Variants in HDAC2 observed in about 807,000 individuals in gnomAD.
HDAC2 encodes YY1-associated factor 1.
A neutral mutation model predicts 68.5 loss-of-function variants in HDAC2; 5 were observed. That is an observed-to-expected ratio of 0.07 (90% CI 0.04 to 0.15). The LOEUF is 0.15. Among genes scored for constraint, HDAC2 ranks in the 10% least tolerant of loss-of-function variants. The pLI, the probability that HDAC2 is intolerant of heterozygous loss-of-function variation, is 1.00. For missense variants in HDAC2, 291 were observed against 600.8 expected, an observed-to-expected ratio of 0.48 and a Z score of 5.39; for synonymous variants, 182 against 191.3, an observed-to-expected ratio of 0.95 and a Z score of 0.40.
At chr6:113,945,552 G>A in intron 9 of HDAC2, 82 bp from the exon 10 acceptor site, 1 of 751,198 alleles carries the variant, frequency 1.3e-6, no homozygotes, top group Admixed American at 2.2e-5. Context: ...GATTTAGGTG[G>A]TGAAATATTT....
rs771892028 is a variant in HDAC2, at chr6:113,945,481, CAATAA to C, written c.983-16_983-12del. 22 of 1,243,454 alleles carry C rather than the reference CAATAA, an allele frequency of 1.8e-5. No individual in the cohort carries two copies. In the South Asian group the frequency reaches 1.8e-4, roughly 10 times the overall value. The allele number at this position is 1,243,454 out of a possible 1,614,324, so 77.0% of individuals were successfully genotyped here. On this transcript the variant is annotated splice_polypyrimidine_tract_variant and intron_variant, in intron 9 of 13. Coordinates refer to ENST00000519065, the MANE Select transcript of HDAC2 (RefSeq NM_001527.4). ...CATTATATGGCAACTCTAATGAAAA[CAATAA>C]AATAAAGTTACATATTACAAGCTCA...
chr6:113,935,276 G>A lies in HDAC2; in HGVS notation c.*5782C>T, dbSNP rs1038575197. 2 of 152,172 alleles carry A rather than the reference G, an allele frequency of 1.3e-5. No homozygotes were observed. Among genetic ancestry groups the A allele is most frequent in the South Asian group, 2.1e-4 (1 of 4,830 alleles). 9.4% of individuals were successfully genotyped at this position (152,172 alleles called of 1,614,324 possible). On this transcript the variant is annotated 3_prime_UTR_variant, in exon 14 of 14. Coordinates refer to ENST00000519065, the MANE Select transcript of HDAC2 (RefSeq NM_001527.4). ...AATAAGAGCAAAAGGGGAAATTCTT[G>A]TCTTTTTAAATCAAACATTATTTGT...
At chr6:113,963,526 C>A (rs918130308) in intron 1 of HDAC2, among the ~76,000 whole-genome samples, 1 of 152,118 alleles carries the variant, frequency 6.6e-6, no homozygotes, top group African/African-American at 2.4e-5. Context: ...TATCCCTAAT[C>A]CAAAAATTTG....
At chr6:113,949,129 C>T (rs1301327758) in intron 7 of HDAC2, 39 bp downstream of exon 7, 4 of 1,603,690 alleles carry the variant, frequency 2.5e-6, no homozygotes, top group Admixed American at 1.7e-5. Context: ...CAATAACATT[C>T]TGAAATTCCA....
At chr6:113,956,508 CTTTTG>C in intron 4 of HDAC2, 106 bp downstream of exon 4, 1 of 756,072 alleles carries the variant, frequency 1.3e-6, no homozygotes, top group Non-Finnish European at 2.3e-6. Flanking sequence ...TACTGATTTC[CTTTTG>C]TTATCAAAAT....
Position 113,956,167 on chromosome 6 carries a change from A to G in HDAC2, c.359-16T>C. 1.3e-6 allele frequency: 2 copies of G among 1,582,076 alleles called. No individual in the cohort carries two copies. Among genetic ancestry groups the G allele is most frequent in the Non-Finnish European group, 1.7e-6 (2 of 1,168,102 alleles). On this transcript the variant is annotated splice_polypyrimidine_tract_variant and intron_variant, in intron 4 of 13. Transcript: ENST00000519065. ...ACAGCTCCAGCTAAGAAGTAGAAAC[A>G]AGATAGACCTTTTAAACATTTATCA...
chr6:113,955,910 AC>A, intron 5 of HDAC2, 102 bp downstream of exon 5: 1 of 783,388 alleles, frequency 1.3e-6, no homozygotes, highest in Non-Finnish European at 1.9e-6. Context: ...AACTATTTCA[AC>A]CTATGGTTTA....
intron 3 of HDAC2, 128 bp downstream of exon 3, chr6:113,958,521 T>A: frequency 1.7e-6 from 1 of 588,874 alleles, no homozygotes; most frequent in Non-Finnish European, 3.0e-6. Context: ...AAATGACTTT[T>A]CAAATCAGTA....
At chr6:113,949,362 A>T in intron 6 of HDAC2, 102 bp from the exon 7 acceptor site, 1 of 704,652 alleles carries the variant, frequency 1.4e-6, no homozygotes. Flanking sequence ...AGTATTAAGG[A>T]TCCAATTTTG....
chr6:113,941,970 G>T (rs984321177), intron 12 of HDAC2, among the ~76,000 whole-genome samples: 3 of 151,936 alleles, frequency 2.0e-5, no homozygotes, highest in African/African-American at 4.8e-5. Context: ...GGGGTGCAGA[G>T]GGAGAAAAGG....
Position 113,938,182 on chromosome 6 carries a change from A to G in HDAC2, c.*2876T>C, listed in dbSNP as rs1287644863. The G allele has an allele frequency of 6.6e-6, 1 of 152,232 alleles. No individual in the cohort carries two copies. Among genetic ancestry groups the G allele is most frequent in the African/African-American group, 2.4e-5 (1 of 41,456 alleles). The allele number at this position is 152,232 out of a possible 1,614,324, so 9.4% of individuals were successfully genotyped here. A position where few individuals can be genotyped will look rare whatever the true frequency, so the allele number is the denominator to read the frequency against. ...AATAAATAAACATAATAGGTTTAAA[A>G]AACTAAGTTAAAAAATAAGTCTCTC... On this transcript the variant is annotated 3_prime_UTR_variant, in exon 14 of 14. Transcript: ENST00000519065.
Position 113,970,649 on chromosome 6 carries a change from C to T in HDAC2, c.52+208G>A. ...GGCAGGAGACAAGACGGGCGGGCCC[C>T]CTGATTCCCGCCCGCAGGAACCGCG... On this transcript the variant is annotated intron_variant, in intron 1 of 13. Coordinates refer to ENST00000519065, the MANE Select transcript of HDAC2 (RefSeq NM_001527.4). The T allele has an allele frequency of 2.2e-6, 3 of 1,351,670 alleles. No homozygotes were observed. In the South Asian group the frequency reaches 5.5e-5, roughly 25 times the overall value. The allele number at this position is 1,351,670 out of a possible 1,614,324, so 83.7% of individuals were successfully genotyped here.
At chr6:113,968,719 G>A (rs1402595830) in intron 1 of HDAC2, 1 of 152,182 alleles carries the variant, frequency 6.6e-6, no homozygotes, top group African/African-American at 2.4e-5. Flanking sequence ...ATCATATTAA[G>A]TCACAATCAC....
chr6:113,950,155 C>T (rs1776375360), intron 6 of HDAC2, among the ~76,000 whole-genome samples: 1 of 152,098 alleles, frequency 6.6e-6, no homozygotes, highest in South Asian at 2.1e-4. Context: ...CCACTCCAGG[C>T]ATTAATCTCT....
intron 1 of HDAC2, among the ~76,000 whole-genome samples, chr6:113,964,241 G>T (rs1284411622): frequency 6.7e-6 from 1 of 150,332 alleles, no homozygotes; most frequent in East Asian, 1.9e-4. Flanking sequence ...AAGATAAGTT[G>T]ACTGCAAAAA....
chr6:113,945,911 C>CT, intron 9 of HDAC2, 97 bp downstream of exon 9: 1 of 945,980 alleles, frequency 1.1e-6, no homozygotes, highest in Non-Finnish European at 1.7e-6. Flanking sequence ...ATACTTTCAA[C>CT]TTATGATGGG....
intron 12 of HDAC2, among the ~76,000 whole-genome samples, chr6:113,942,912 C>T (rs1025469851): frequency 2.6e-5 from 4 of 152,088 alleles, no homozygotes; most frequent in Admixed American, 6.6e-5. Flanking sequence ...GAACAAAATC[C>T]ATTATTTGAC....
chr6:113,967,397 G>A (rs1776850019), intron 1 of HDAC2, among the ~76,000 whole-genome samples: 2 of 152,190 alleles, frequency 1.3e-5, no homozygotes, highest in South Asian at 4.1e-4. Context: ...CCAAAGTGCT[G>A]AGATTATAGG....
intron 3 of HDAC2, 68 bp from the exon 4 acceptor site, chr6:113,956,761 A>T (rs1440118952): frequency 6.3e-6 from 7 of 1,104,152 alleles, no homozygotes; most frequent in Non-Finnish European, 9.6e-6. Flanking sequence ...TCTTACAAAA[A>T]CTATTTCCCA....
Sources: allele counts gnomAD v4.1 joint callset (sites outside exome capture counted in the v4.1 genomes callset), GRCh38; gene constraint gnomAD v4.1.1; transcripts MANE v1.5; gene names NCBI Gene and HGNC (gene_info 2026-07-23, HGNC 2026-07-21).